Variants in UHRF1 observed in about 807,000 individuals in gnomAD.
UHRF1 encodes the protein ubiquitin like with PHD and ring finger domains 1, also known as E3 ubiquitin-protein ligase UHRF1.
Under a neutral mutation model 96.5 loss-of-function variants are expected in UHRF1, and 9 were observed. The observed-to-expected ratio is 0.09, with a 90% CI of 0.06 to 0.16. The LOEUF (loss-of-function observed/expected upper bound fraction) is 0.16, where lower values mean the gene tolerates loss of function less well. Ranked by LOEUF, UHRF1 falls within the 10% of genes least tolerant of loss-of-function variation. The pLI is 1.00. For synonymous variants in UHRF1, 455 were observed against 469.9 expected (o/e 0.97, Z 0.41); for missense variants, 626 against 1,131.1 (o/e 0.55, Z 6.40).
chr19:4,933,665 C>T lies in UHRF1; in HGVS notation c.785+709C>T, dbSNP rs547985340. Among the ~76,000 whole-genome samples the T allele has an allele frequency of 7.9e-5, 12 of 152,298 alleles. No homozygotes were observed. The East Asian group carries it at 1.2e-3, about 15-fold the overall frequency. Reference sequence around the variant, plus strand: ...CCCCTTTTTGGCGACATCACTGTTACCAACTTTCCAGGGACATTCTGTTCA... The same window carrying T: ...CCCCTTTTTGGCGACATCACTGTTATCAACTTTCCAGGGACATTCTGTTCA... On this transcript the variant is annotated intron_variant, in intron 5 of 16. Transcript: ENST00000650932.
chr19:4,962,042 T>G lies in UHRF1; in HGVS notation c.*1239T>G, dbSNP rs1248053393. 1 of 151,898 alleles carries G rather than the reference T, an allele frequency of 6.6e-6. No homozygotes were observed. The highest frequency in any genetic ancestry group is 1.5e-5 in the Non-Finnish European group (1 of 67,890). 9.4% of individuals were successfully genotyped at this position (151,898 alleles called of 1,614,324 possible). A position where few individuals can be genotyped will look rare whatever the true frequency, so the allele number is the denominator to read the frequency against. ...AAGGGTTTTTTTCACCTCCTTATTC[T>G]TAGATTATTAATGTATTAGGGAAGA... On this transcript the variant is annotated 3_prime_UTR_variant, in exon 17 of 17. Transcript: ENST00000650932.
intron 13 of UHRF1, among the ~76,000 whole-genome samples, chr19:4,953,174 C>T (rs548054499): frequency 1.3e-5 from 2 of 152,294 alleles, no homozygotes; most frequent in Admixed American, 1.3e-4. Context: ...CGTAGTGAAG[C>T]TTTGCGATTA....
intron 2 of UHRF1, among the ~76,000 whole-genome samples, chr19:4,917,602 C>T (rs542247900): frequency 2.2e-5 from 3 of 138,384 alleles, no homozygotes; most frequent in South Asian, 2.3e-4. Context: ...TGCAGTGAGC[C>T]GAGATCACGC....
intron 5 of UHRF1, among the ~76,000 whole-genome samples, chr19:4,941,085 G>GTTTTTTTTTT (rs869250736): frequency 2.0e-5 from 1 of 50,082 alleles, no homozygotes; most frequent in Non-Finnish European, 3.4e-5. Flanking sequence ...TCTGTGTTTT[G>GTTTTTTTTTT]TTTTTTTTTT....
intron 5 of UHRF1, among the ~76,000 whole-genome samples, chr19:4,941,098 T>G (rs1336964719): frequency 4.8e-4 from 68 of 140,242 alleles, no homozygotes; most frequent in African/African-American, 1.8e-3. Context: ...TTTTTTTTTT[T>G]TTTTTTTTTT....
rs545553933 is a variant in UHRF1 at position 4,947,603 on chromosome 19, C to T, written c.1517+392C>T. On this transcript the variant is annotated intron_variant, in intron 11 of 16. Coordinates refer to ENST00000650932, the MANE Select transcript of UHRF1 (RefSeq NM_001048201.3). The stretch of plus-strand genomic sequence containing the variant: ...GCAACCTCTGCCTCCTGGGCTCAAG[C>T]GATTCTCATGCCTCAGCCTCCTGAG... Among the ~76,000 whole-genome samples, 11 of 141,898 alleles carry T rather than the reference C, an allele frequency of 7.8e-5. No homozygotes were observed. The South Asian group carries it at 1.4e-3, about 18-fold the overall frequency. The allele number at this position is 141,898 out of a possible 152,430, so 93.1% of individuals were successfully genotyped here.
At chr19:4,942,481 C>T (rs1016191342) in intron 7 of UHRF1, among the ~76,000 whole-genome samples, 1 of 151,824 alleles carries the variant, frequency 6.6e-6, no homozygotes, top group Non-Finnish European at 1.5e-5. Context: ...TGAGCCACCT[C>T]GCCCAGCCTT....
rs534610465 is a variant in UHRF1 at position 4,930,250 on chromosome 19, T to C, written c.409-466T>C. 3.9e-5 allele frequency among the ~76,000 whole-genome samples: 6 copies of C among 152,276 alleles called. No homozygotes were observed. The highest frequency in any genetic ancestry group is 7.4e-5 in the Non-Finnish European group (5 of 68,014). On this transcript the variant is annotated intron_variant, in intron 3 of 16. Transcript: ENST00000650932. The surrounding 1 kb of genome is among the most constrained non-coding windows in gnomAD (Gnocchi z 4.4). ...GCAGCCTCCCAAAGTGCTGGAATTA[T>C]AGGTGTGAGCCACTGCACCCAGTCT...
chr19:4,944,099 T>A (rs761484946), intron 7 of UHRF1, 33 bp from the exon 8 acceptor site: 1 of 1,611,508 alleles, frequency 6.2e-7, no homozygotes, highest in South Asian at 1.1e-5. Flanking sequence ...TCTGCCAGGC[T>A]AGGCGTGGGC....
chr19:4,929,660 G>C (rs2032987701), intron 3 of UHRF1, among the ~76,000 whole-genome samples, 184 bp downstream of exon 3: 1 of 148,844 alleles, frequency 6.7e-6, no homozygotes, highest in Non-Finnish European at 1.5e-5. Flanking sequence ...GGATTCCTTT[G>C]TGGACCTCTA....
chr19:4,903,787 G>A (rs1196711455), intron 1 of UHRF1: 1 of 152,226 alleles, frequency 6.6e-6, no homozygotes, highest in Non-Finnish European at 1.5e-5. Flanking sequence ...ACAGTTGTGA[G>A]CCACTGTGCC....
chr19:4,935,947 C>T (rs923836997), intron 5 of UHRF1, among the ~76,000 whole-genome samples: 2 of 152,158 alleles, frequency 1.3e-5, no homozygotes, highest in Non-Finnish European at 2.9e-5. Flanking sequence ...CACCTCAGTC[C>T]CTCCCCTAGC....
At chr19:4,924,239 C>A (rs12460351) in intron 2 of UHRF1, among the ~76,000 whole-genome samples, 2 of 151,798 alleles carry the variant, frequency 1.3e-5, no homozygotes, top group Non-Finnish European at 2.9e-5. Flanking sequence ...AAGCTCCGCC[C>A]CCCGGGTTCA....
At chr19:4,944,529 C>T (rs2033506346) in intron 9 of UHRF1, 79 bp downstream of exon 9, 1 of 1,512,542 alleles carries the variant, frequency 6.6e-7, no homozygotes, top group Non-Finnish European at 9.1e-7. Flanking sequence ...CTGGCTTTGG[C>T]CAGCCAGGGG....
At chr19:4,945,651 A>G (rs1179124576) in intron 9 of UHRF1, among the ~76,000 whole-genome samples, 2 of 138,868 alleles carry the variant, frequency 1.4e-5, no homozygotes, top group East Asian at 4.4e-4. Context: ...AATTCACGCC[A>G]GCTGGTTTTT....
At chr19:4,943,433 C>T (rs1280150296) in intron 7 of UHRF1, among the ~76,000 whole-genome samples, 4 of 150,754 alleles carry the variant, frequency 2.7e-5, no homozygotes, top group South Asian at 2.1e-4. Context: ...GTGCTAGGCT[C>T]GGGTCTGAGG....
At chr19:4,924,508 T>C (rs1372580533) in intron 2 of UHRF1, among the ~76,000 whole-genome samples, 3 of 152,118 alleles carry the variant, frequency 2.0e-5, no homozygotes, top group African/African-American at 7.2e-5. Context: ...GGTCTCGAAC[T>C]CCTGGCCTCA....
Position 4,937,293 on chromosome 19 carries a change from CT to C in UHRF1, c.786-4215del, listed in dbSNP as rs11411657. ...AGTATTCTGTGGTATAGATGGGCCA[CT>C]TTTTTTTTTTTTTTTTTTTAACGAC... On this transcript the variant is annotated intron_variant, in intron 5 of 16. Transcript: ENST00000650932. 7.2e-3 allele frequency among the ~76,000 whole-genome samples: 897 copies of C among 125,406 alleles called. 3 individuals carry two copies. The highest frequency in any genetic ancestry group is 8.0e-3 in the Non-Finnish European group (492 of 61,470). 82.3% of individuals were successfully genotyped at this position (125,406 alleles called of 152,430 possible).
rs1435518392 is a variant in UHRF1 at position 4,944,204 on chromosome 19, G to A, written c.1146G>A (p.Lys382=). ...LAGERLRESK[K]KAKMASATSS... ...GAGAGCGGCTGAGAGAGAGCAAGAA[G>A]AAGGCGAAGATGGCCTCGGCCACAT... The change falls in exon 8 of 17, where the codon AAG becomes AAA. Residue 382 remains lysine (K), a synonymous_variant. Coordinates refer to ENST00000650932, the MANE Select transcript of UHRF1 (RefSeq NM_001048201.3). 3.1e-6 allele frequency: 5 copies of A among 1,614,048 alleles called. No homozygotes were observed. In the South Asian group the frequency reaches 4.4e-5, roughly 14 times the overall value.
Sources: gnomAD v4.1 joint callset for allele counts (sites outside exome capture counted in the v4.1 genomes callset) on GRCh38, gnomAD v4.1.1 for gene constraint, Gnocchi (gnomAD v3.1) non-coding constraint, MANE v1.5 for transcripts, NCBI Gene and HGNC (gene_info 2026-07-23, HGNC 2026-07-21) for gene names.